The following ANO4 variants were observed in gnomAD, a reference collection of about 807,000 sequenced individuals.
ANO4 encodes anoctamin 4, also known as anoctamin-4.
Under a neutral mutation model 141.9 loss-of-function variants are expected in ANO4, and 69 were observed. That is an observed-to-expected ratio of 0.49 (90% CI 0.40 to 0.59). The LOEUF is 0.59. Among genes scored for constraint, ANO4 ranks in the 20% least tolerant of loss-of-function variants. The pLI, the probability that ANO4 is intolerant of heterozygous loss-of-function variation, is 0.00. For missense variants in ANO4, 894 were observed against 1,162.2 expected, an observed-to-expected ratio of 0.77 and a Z score of 3.36; for synonymous variants, 350 against 394.3, an observed-to-expected ratio of 0.89 and a Z score of 1.33.
chr12:100,867,987 G>A (rs556218188), intron 1 of ANO4, among the ~76,000 whole-genome samples: 3 of 152,152 alleles, frequency 2.0e-5, no homozygotes, highest in Non-Finnish European at 4.4e-5. Flanking sequence ...CATCAGGATG[G>A]ATCTCTGGTG....
chr12:100,777,708 A>G (rs2033572311), intron 3 of ANO4, among the ~76,000 whole-genome samples: 1 of 152,150 alleles, frequency 6.6e-6, no homozygotes, highest in Admixed American at 6.5e-5. Context: ...TTTAATCTTC[A>G]TCTTTCCACT....
intron 7 of ANO4, among the ~76,000 whole-genome samples, chr12:100,977,672 C>T (rs778366931): frequency 6.6e-6 from 1 of 152,140 alleles, no homozygotes; most frequent in Non-Finnish European, 1.5e-5. Context: ...GCTGAGCTCC[C>T]ATCACCTCTT....
chr12:101,021,549 A>G (rs913309294), intron 9 of ANO4, among the ~76,000 whole-genome samples: 7 of 152,220 alleles, frequency 4.6e-5, no homozygotes, highest in Non-Finnish European at 1.0e-4. Flanking sequence ...ATAAGTTAAT[A>G]TCTGGTGCAT....
At chr12:100,849,012 A>T (rs1348061286) in intron 1 of ANO4, among the ~76,000 whole-genome samples, 1 of 152,208 alleles carries the variant, frequency 6.6e-6, no homozygotes, top group African/African-American at 2.4e-5. Context: ...TTTAAATAAG[A>T]CCTGCATCTT....
At chr12:101,110,356 T>G in intron 22 of ANO4, 48 bp from the exon 23 acceptor site, 1 of 1,520,320 alleles carries the variant, frequency 6.6e-7, no homozygotes, top group Non-Finnish European at 8.8e-7. Flanking sequence ...TTGAAAATAG[T>G]AATGGAAAAC....
intron 8 of ANO4, among the ~76,000 whole-genome samples, chr12:100,993,128 G>A (rs1331173692): frequency 6.6e-6 from 1 of 152,172 alleles, no homozygotes. Flanking sequence ...GGTTGAGGCT[G>A]CAGTGAGTTA....
chr12:100,829,099 T>C (rs200886274), intron 1 of ANO4, among the ~76,000 whole-genome samples: 2 of 152,022 alleles, frequency 1.3e-5, no homozygotes, highest in East Asian at 3.9e-4. Flanking sequence ...TAGAGATTCA[T>C]GTGGGAAAAA....
At chr12:101,067,154 A>G (rs1310190044) in intron 14 of ANO4, 11 of 310,554 alleles carry the variant, frequency 3.5e-5, no homozygotes, top group South Asian at 1.8e-4. Flanking sequence ...TTTTGATTTC[A>G]TCTACCTACT....
At chr12:101,120,038 C>T (rs1302413035) in intron 25 of ANO4, among the ~76,000 whole-genome samples, 7 of 152,162 alleles carry the variant, frequency 4.6e-5, no homozygotes. Flanking sequence ...CTGGGAGAGT[C>T]AAGGGGTGAT....
intron 4 of ANO4, among the ~76,000 whole-genome samples, chr12:100,941,973 A>ATTG (rs2042539512): frequency 6.8e-6 from 1 of 147,432 alleles, no homozygotes; most frequent in Non-Finnish European, 1.5e-5. Flanking sequence ...TATTATTATT[A>ATTG]TTATTATTAT....
chr12:100,913,788 T>C (rs890497062), intron 2 of ANO4, among the ~76,000 whole-genome samples: 1 of 152,314 alleles, frequency 6.6e-6, no homozygotes, highest in South Asian at 2.1e-4. Context: ...TTTATTTTGC[T>C]TGATTGTCTG....
intron 16 of ANO4, 102 bp from the exon 17 acceptor site, chr12:101,086,558 G>A (rs1041912787): frequency 2.1e-5 from 27 of 1,292,778 alleles, no homozygotes; most frequent in Non-Finnish European, 2.9e-5. Flanking sequence ...GTACTGCCAT[G>A]GTGTTACTTC....
intron 1 of ANO4, among the ~76,000 whole-genome samples, chr12:100,896,768 A>G (rs1335948055): frequency 6.6e-6 from 1 of 152,212 alleles, no homozygotes; most frequent in Non-Finnish European, 1.5e-5. Context: ...AGATGAGCAG[A>G]GGCAATGGTA....
intron 5 of ANO4, among the ~76,000 whole-genome samples, chr12:100,943,561 C>T (rs1036729875): frequency 2.0e-5 from 3 of 152,052 alleles, no homozygotes; most frequent in South Asian, 2.1e-4. Context: ...GTTTATAACA[C>T]GGAAGCAGCA....
intron 1 of ANO4, among the ~76,000 whole-genome samples, chr12:100,893,237 AG>A (rs751137725): frequency 6.7e-6 from 1 of 150,336 alleles, no homozygotes; most frequent in South Asian, 2.1e-4. Context: ...GGCAAGAAGG[AG>A]GATTTTTTTT....
Position 101,011,335 on chromosome 12 carries a change from T to TG in ANO4, c.735-8698dup, listed in dbSNP as rs1555275763. ...CCTTTTTTCTTTTTTTTTTTTTTTT[T>TG]GCAATCTACCACAGACTGCTGTCTG... On this transcript the variant is annotated intron_variant, in intron 8 of 27. Coordinates refer to ENST00000392977, the MANE Select transcript of ANO4 (RefSeq NM_001286615.2). Among the ~76,000 whole-genome samples, 1,123 of 150,784 alleles carry TG rather than the reference T, an allele frequency of 7.4e-3. 3 individuals carry two copies. The highest frequency in any genetic ancestry group is 0.014 in the Middle Eastern group (4 of 294).
At chr12:100,737,444 C>T (rs189398161) in intron 2 of ANO4, among the ~76,000 whole-genome samples, 15 of 152,316 alleles carry the variant, frequency 9.8e-5, no homozygotes, top group African/African-American at 3.6e-4. Context: ...CGTCCCAAGA[C>T]CCCATCCTTG....
At chr12:100,728,011 T>A (rs1036675703) in intron 1 of ANO4, among the ~76,000 whole-genome samples, 2 of 152,212 alleles carry the variant, frequency 1.3e-5, no homozygotes, top group African/African-American at 4.8e-5. Context: ...AGCACCCAGC[T>A]CCTGGCTTGT....
intron 3 of ANO4, among the ~76,000 whole-genome samples, chr12:100,766,465 T>C (rs1593294330): frequency 6.6e-6 from 1 of 152,298 alleles, no homozygotes; most frequent in Non-Finnish European, 1.5e-5. Flanking sequence ...TCTCAAGATA[T>C]TTTTATATTT....
Sources: allele counts gnomAD v4.1 joint callset (sites outside exome capture counted in the v4.1 genomes callset), GRCh38; gene constraint gnomAD v4.1.1; transcripts MANE v1.5; gene names NCBI Gene and HGNC (gene_info 2026-07-23, HGNC 2026-07-21).